ACSM2A: variants seen among roughly 807,000 people sequenced by gnomAD.
The protein encoded by ACSM2A is acyl-CoA synthetase medium chain family member 2A.
ACSM2A carries 72 observed loss-of-function variants against 76.6 expected under a neutral mutation model. The observed-to-expected ratio is 0.94, with a 90% CI of 0.78 to 1.14. The LOEUF (loss-of-function observed/expected upper bound fraction) is 1.14. Ranked by LOEUF, ACSM2A falls within the 50% of genes most tolerant of loss-of-function variation. ACSM2A has a pLI of 0.00. For missense variants in ACSM2A, 684 were observed against 708.5 expected (o/e 0.97, Z 0.39); for synonymous variants, 249 against 255.9 (o/e 0.97, Z 0.26).
At chr16:20,473,091 A>C (rs1567368761) in intron 6 of ACSM2A, among the ~76,000 whole-genome samples, 1 of 152,132 alleles carries the variant, frequency 6.6e-6, no homozygotes, top group Non-Finnish European at 1.5e-5. Flanking sequence ...TCTATGATAG[A>C]GGGATTGGGT....
chr16:20,465,439 G>A (rs1031234780), intron 2 of ACSM2A, 78 bp from the exon 3 acceptor site: 22 of 1,546,576 alleles, frequency 1.4e-5, no homozygotes, highest in Middle Eastern at 2.0e-4. Context: ...CACCAACTTG[G>A]CAATCCCAAG....
chr16:20,456,519 C>T lies in ACSM2A; in HGVS notation c.-8-3588C>T, dbSNP rs190499362. 9.3e-4 allele frequency among the ~76,000 whole-genome samples: 141 copies of T among 151,994 alleles called. 1 individual carries two copies. Among genetic ancestry groups the T allele is most frequent in the African/African-American group, 2.9e-3 (122 of 41,462 alleles). On this transcript the variant is annotated intron_variant, in intron 1 of 13. Transcript: ENST00000573854. Reference sequence around the variant, plus strand: ...AGGAATCTTCAAAATCACGTGAATACGTGGAAATTAAATAACCTGTTCCTG... The same window carrying T: ...AGGAATCTTCAAAATCACGTGAATATGTGGAAATTAAATAACCTGTTCCTG...
intron 8 of ACSM2A, chr16:20,476,552 T>A: frequency 1.0e-6 from 1 of 985,376 alleles, no homozygotes; most frequent in Non-Finnish European, 1.2e-6. Flanking sequence ...GTGGCAAGCA[T>A]ACCCTGGCAG....
At chr16:20,474,878 TC>T (rs2013633711) in intron 6 of ACSM2A, among the ~76,000 whole-genome samples, 1 of 152,246 alleles carries the variant, frequency 6.6e-6, no homozygotes, top group South Asian at 2.1e-4. Context: ...TCTATAGATG[TC>T]TTTAGCTTTT....
intron 8 of ACSM2A, 24 bp downstream of exon 8, chr16:20,475,797 G>C (rs900753104): frequency 6.2e-7 from 1 of 1,611,574 alleles, no homozygotes; most frequent in African/African-American, 1.3e-5. Context: ...GGGGAACCAT[G>C]GGCTGTGTGC....
intron 1 of ACSM2A, among the ~76,000 whole-genome samples, chr16:20,459,738 G>A (rs796231927): frequency 9.2e-4 from 140 of 152,262 alleles, no homozygotes; most frequent in African/African-American, 3.3e-3. Flanking sequence ...GAAGTCACTT[G>A]AAAATGAATG....
intron 3 of ACSM2A, among the ~76,000 whole-genome samples, chr16:20,467,601 G>A (rs1042337801): frequency 8.5e-5 from 13 of 152,162 alleles, no homozygotes; most frequent in African/African-American, 2.9e-4. Flanking sequence ...GGAGATGCGA[G>A]GGAGAGAGAG....
chr16:20,465,273 A>G (rs953573044), intron 2 of ACSM2A, among the ~76,000 whole-genome samples: 3 of 152,358 alleles, frequency 2.0e-5, no homozygotes, highest in Admixed American at 2.0e-4. Flanking sequence ...TGGGTTTATT[A>G]CAGTTATTTC....
At chr16:20,458,931 TAC>T (rs1555497764) in intron 1 of ACSM2A, among the ~76,000 whole-genome samples, 1,272 of 56,686 alleles carry the variant, frequency 0.022, 27 homozygotes, top group African/African-American at 0.12. Context: ...TATATATATA[TAC>T]ATATATATAT....
chr16:20,483,568 T>TTAA (rs1365960981), intron 13 of ACSM2A, among the ~76,000 whole-genome samples: 1 of 5,144 alleles, frequency 1.9e-4, no homozygotes, highest in Admixed American at 4.8e-3. Flanking sequence ...AGACTCTGTC[T>TTAA]CAAAAAAAAA....
rs1322592442 is a variant in ACSM2A, at chr16:20,486,854, G to C, written c.*176G>C. ...CATGTTAGATGTTGAAAGAAGAAAG[G>C]GAAGGAATGAGAGAGAGTGAAAAGG... is the stretch of plus-strand genomic sequence containing the variant. On this transcript the variant is annotated 3_prime_UTR_variant, in exon 14 of 14. Transcript: ENST00000573854. 9.5e-6 allele frequency: 7 copies of C among 737,826 alleles called. No homozygotes were observed. The highest frequency in any genetic ancestry group is 1.3e-5 in the Non-Finnish European group (6 of 456,204). The allele number at this position is 737,826 out of a possible 1,614,324, so 45.7% of individuals were successfully genotyped here.
chr16:20,467,917 A>T (rs1015590418), intron 3 of ACSM2A, among the ~76,000 whole-genome samples: 1 of 151,874 alleles, frequency 6.6e-6, no homozygotes, highest in African/African-American at 2.4e-5. Context: ...TGCCCTTTCC[A>T]CCTCTGCTTG....
intron 7 of ACSM2A, 45 bp downstream of exon 7, chr16:20,475,486 C>A (rs551243502): frequency 6.2e-7 from 1 of 1,611,350 alleles, no homozygotes; most frequent in Non-Finnish European, 8.5e-7. Flanking sequence ...GCCCCATCCC[C>A]CTGACTCCCT....
chr16:20,478,788 A>T, intron 10 of ACSM2A, 111 bp downstream of exon 10: 2 of 1,376,748 alleles, frequency 1.5e-6, no homozygotes, highest in South Asian at 3.5e-5. Flanking sequence ...ATGTGGAGAC[A>T]AAGACTGTCC....
At chr16:20,461,151 AG>A (rs2012599791) in intron 2 of ACSM2A, among the ~76,000 whole-genome samples, 1 of 144,270 alleles carries the variant, frequency 6.9e-6, no homozygotes, top group Admixed American at 6.9e-5. Flanking sequence ...TGGAGCTACC[AG>A]CGTGAACTTA....
chr16:20,481,039 C>G, intron 12 of ACSM2A, 118 bp downstream of exon 12: 1 of 1,248,828 alleles, frequency 8.0e-7, no homozygotes, highest in Non-Finnish European at 1.1e-6. Flanking sequence ...CTTGGCCCTG[C>G]CACTTACTAG....
chr16:20,480,099 C>G (rs4566152), intron 10 of ACSM2A, among the ~76,000 whole-genome samples: 34 of 152,298 alleles, frequency 2.2e-4, no homozygotes, highest in South Asian at 6.2e-4. Context: ...GCTGAATAGA[C>G]GGACCCAGCT....
At chr16:20,477,082 T>C (rs547355814) in intron 8 of ACSM2A, 86 of 351,580 alleles carry the variant, frequency 2.4e-4, no homozygotes, top group South Asian at 4.4e-4. Flanking sequence ...GTATCCATAG[T>C]GTCGTATTAA....
intron 3 of ACSM2A, 116 bp downstream of exon 3, chr16:20,465,843 A>C (rs7186307): frequency 0.32 from 468,737 of 1,453,448 alleles, 84,391 homozygotes; most frequent in East Asian, 0.81. Context: ...GCTGTCCTGT[A>C]TCATATGAAG....
Sources: allele counts gnomAD v4.1 joint callset (sites outside exome capture counted in the v4.1 genomes callset), GRCh38; gene constraint gnomAD v4.1.1; transcripts MANE v1.5; gene names NCBI Gene and HGNC (gene_info 2026-07-23, HGNC 2026-07-21).